Variants in ZDHHC14 observed in about 807,000 individuals in gnomAD.
The protein encoded by ZDHHC14 is zDHHC palmitoyltransferase 14, also known as palmitoyltransferase ZDHHC14.
A neutral mutation model predicts 47.7 loss-of-function variants in ZDHHC14; 16 were observed. That is an observed-to-expected ratio of 0.34 (90% CI 0.23 to 0.51). The LOEUF (loss-of-function observed/expected upper bound fraction) is 0.51. Among genes scored for constraint, ZDHHC14 ranks in the 20% least tolerant of loss-of-function variants. The probability of loss-of-function intolerance (pLI) is 0.97; values close to 1 mark genes in which losing one functional copy is unlikely to be tolerated. For missense variants in ZDHHC14, 515 were observed against 662.5 expected (o/e 0.78, Z 2.44); for synonymous variants, 293 against 278.9 (o/e 1.05, Z -0.50).
chr6:157,465,163 G>GA (rs1377976233), intron 1 of ZDHHC14, among the ~76,000 whole-genome samples: 17 of 100,154 alleles, frequency 1.7e-4, no homozygotes, highest in East Asian at 5.5e-4. Flanking sequence ...TTGAACCAAT[G>GA]AAAAAAAAAG....
chr6:157,641,997 G>A (rs750359701), intron 5 of ZDHHC14, among the ~76,000 whole-genome samples: 2 of 151,816 alleles, frequency 1.3e-5, no homozygotes, highest in South Asian at 2.1e-4. Flanking sequence ...ATTAAGGACC[G>A]CCAAAGAGCT....
At chr6:157,478,846 C>T (rs1025002008) in intron 1 of ZDHHC14, among the ~76,000 whole-genome samples, 1 of 152,158 alleles carries the variant, frequency 6.6e-6, no homozygotes. Context: ...TGTTTCCATA[C>T]CATTTCATTT....
chr6:157,387,109 TG>T (rs768493271), intron 1 of ZDHHC14, among the ~76,000 whole-genome samples: 2 of 152,180 alleles, frequency 1.3e-5, no homozygotes, highest in African/African-American at 4.8e-5. Flanking sequence ...CTTGAAAACG[TG>T]GGGACATTCT....
chr6:157,605,906 T>C (rs1345499970), intron 3 of ZDHHC14, among the ~76,000 whole-genome samples: 4 of 152,142 alleles, frequency 2.6e-5, no homozygotes, highest in Non-Finnish European at 4.4e-5. Context: ...GTAGAGAAGG[T>C]AACCATCTGT....
At chr6:157,583,192 T>G (rs1462152006) in intron 2 of ZDHHC14, among the ~76,000 whole-genome samples, 1 of 152,158 alleles carries the variant, frequency 6.6e-6, no homozygotes, top group African/African-American at 2.4e-5. Context: ...TCTTTTTTGC[T>G]ATCCATACTC....
intron 1 of ZDHHC14, among the ~76,000 whole-genome samples, chr6:157,541,295 T>C (rs899077388): frequency 2.6e-5 from 4 of 152,164 alleles, no homozygotes; most frequent in African/African-American, 9.7e-5. Flanking sequence ...TGAAGGCTGG[T>C]GCACTAATGT....
intron 1 of ZDHHC14, among the ~76,000 whole-genome samples, chr6:157,422,804 T>C (rs1262604637): frequency 6.6e-6 from 1 of 152,218 alleles, no homozygotes; most frequent in East Asian, 1.9e-4. Flanking sequence ...TTTTAAATTT[T>C]GTACCTTTTT....
At chr6:157,496,545 A>G (rs762613950) in intron 1 of ZDHHC14, among the ~76,000 whole-genome samples, 6 of 152,312 alleles carry the variant, frequency 3.9e-5, no homozygotes, top group Middle Eastern at 3.4e-3. Context: ...TAGTGCCCTT[A>G]TCAAAAGGGG....
At chr6:157,431,832 C>A (rs1382268642) in intron 1 of ZDHHC14, among the ~76,000 whole-genome samples, 1 of 151,398 alleles carries the variant, frequency 6.6e-6, no homozygotes, top group Non-Finnish European at 1.5e-5. Flanking sequence ...TGTGCTCAGG[C>A]GATCCTCCCA....
intron 1 of ZDHHC14, among the ~76,000 whole-genome samples, chr6:157,420,036 C>T (rs751504834): frequency 1.4e-4 from 21 of 152,226 alleles, no homozygotes; most frequent in African/African-American, 4.6e-4. Context: ...TTCCTAATGA[C>T]GTGAGACATG....
intron 3 of ZDHHC14, among the ~76,000 whole-genome samples, chr6:157,623,542 T>A (rs1289985743): frequency 1.0e-4 from 15 of 146,512 alleles, no homozygotes; most frequent in African/African-American, 3.8e-4. Context: ...CATACATCTT[T>A]TTTTTTTTTT....
chr6:157,394,885 T>C (rs976259029), intron 1 of ZDHHC14, among the ~76,000 whole-genome samples: 1 of 152,094 alleles, frequency 6.6e-6, no homozygotes, highest in African/African-American at 2.4e-5. Flanking sequence ...GTTACAGGGC[T>C]GAAGTTTGAG....
chr6:157,568,589 A>G (rs1782991890), intron 2 of ZDHHC14, among the ~76,000 whole-genome samples: 1 of 152,086 alleles, frequency 6.6e-6, no homozygotes, highest in Admixed American at 6.5e-5. Context: ...TTTAATATTA[A>G]TTAAAAACAA....
chr6:157,547,190 G>C (rs769878052), intron 2 of ZDHHC14, among the ~76,000 whole-genome samples: 1 of 152,272 alleles, frequency 6.6e-6, no homozygotes, highest in South Asian at 2.1e-4. Context: ...GCACGTGCAC[G>C]TGTGTGTGTG....
chr6:157,477,455 C>A (rs1048596970), intron 1 of ZDHHC14, among the ~76,000 whole-genome samples: 4 of 152,110 alleles, frequency 2.6e-5, no homozygotes, highest in African/African-American at 4.8e-5. Context: ...ATATAGATAA[C>A]CCTCAAGATT....
intron 2 of ZDHHC14, among the ~76,000 whole-genome samples, chr6:157,585,161 C>T (rs748704653): frequency 1.2e-4 from 18 of 151,902 alleles, no homozygotes; most frequent in South Asian, 6.3e-4. Flanking sequence ...GAGCCGAGAT[C>T]GCGCCATTGC....
At chr6:157,530,333 A>G (rs929680462) in intron 1 of ZDHHC14, among the ~76,000 whole-genome samples, 2 of 152,236 alleles carry the variant, frequency 1.3e-5, no homozygotes, top group Admixed American at 6.5e-5. Flanking sequence ...TGCTGTCACC[A>G]TGTTTTAATG....
chr6:157,402,032 G>T (rs1583614491), intron 1 of ZDHHC14, among the ~76,000 whole-genome samples: 3 of 149,414 alleles, frequency 2.0e-5, no homozygotes. Context: ...GCACTAGTGA[G>T]ATGTGCACCT....
chr6:157,474,526 T>C (rs1462289177), intron 1 of ZDHHC14, among the ~76,000 whole-genome samples: 1 of 152,188 alleles, frequency 6.6e-6, no homozygotes, highest in Non-Finnish European at 1.5e-5. Context: ...ATTTACATTC[T>C]CACCAACAGT....
Sources: gnomAD v4.1 joint callset for allele counts (sites outside exome capture counted in the v4.1 genomes callset) on GRCh38, gnomAD v4.1.1 for gene constraint, MANE v1.5 for transcripts, NCBI Gene and HGNC (gene_info 2026-07-23, HGNC 2026-07-21) for gene names.